The following JAKMIP3 variants were observed in gnomAD, a reference collection of about 807,000 sequenced individuals.
The protein encoded by JAKMIP3 is janus kinase and microtubule-interacting protein 3.
JAKMIP3 carries 58 observed loss-of-function variants against 118.5 expected under a neutral mutation model. That is an observed-to-expected ratio of 0.49 (90% CI 0.40 to 0.61). The LOEUF is 0.61. JAKMIP3 is among the 20% of genes least tolerant of loss of function. The pLI is 0.00. For synonymous variants in JAKMIP3, 486 were observed against 451.2 expected, an observed-to-expected ratio of 1.08 and a Z score of -0.98; for missense variants, 950 against 1,109.0, an observed-to-expected ratio of 0.86 and a Z score of 2.04.
rs144225422 is a variant in JAKMIP3 at position 132,134,276 on chromosome 10, C to A, written c.849+749C>A. Among the ~76,000 whole-genome samples the A allele has an allele frequency of 3.1e-3, 470 of 152,324 alleles. 6 individuals carry two copies. The highest frequency in any genetic ancestry group is 4.2e-3 in the Non-Finnish European group (289 of 68,028). The stretch of plus-strand genomic sequence containing the variant: ...GGGCCCAGGACCATCCTGGATGCTG[C>A]TTGTTCGCTTTGAGGATAAAACTGT... On this transcript the variant is annotated intron_variant, in intron 4 of 23. Coordinates refer to ENST00000684848, the MANE Select transcript of JAKMIP3 (RefSeq NM_001323087.2).
At chr10:132,102,377 C>T (rs58494553) in intron 1 of JAKMIP3, among the ~76,000 whole-genome samples, 2 of 151,994 alleles carry the variant, frequency 1.3e-5, no homozygotes, top group Non-Finnish European at 2.9e-5. Flanking sequence ...CCAGCCCCTC[C>T]GTCTGCAGTG....
At chr10:132,073,423 G>A (rs1037013857) in intron 1 of JAKMIP3, among the ~76,000 whole-genome samples, 1 of 151,602 alleles carries the variant, frequency 6.6e-6, no homozygotes, top group Non-Finnish European at 1.5e-5. Context: ...CTGACCTTGT[G>A]ATCCACCCAC....
In JAKMIP3 at chr10:132,139,292, CTGTGTA is replaced by C. The variant is rs200796172; in HGVS notation, c.1344+1120_1344+1125del. On this transcript the variant is annotated intron_variant, in intron 9 of 23. Coordinates refer to ENST00000684848, the MANE Select transcript of JAKMIP3 (RefSeq NM_001323087.2). Reference sequence around the variant, plus strand: ...TGTGTACATGTGAGTGTATATGCATCTGTGTATGTGTGTGAGTGTGTATGTGTATGT... The same window carrying C: ...TGTGTACATGTGAGTGTATATGCATCTGTGTGTGAGTGTGTATGTGTATGT... 1.2e-3 allele frequency among the ~76,000 whole-genome samples: 124 copies of C among 107,036 alleles called. 11 individuals are homozygous for C. Among genetic ancestry groups the C allele is most frequent in the African/African-American group, 5.0e-3 (118 of 23,606 alleles). 70.2% of individuals were successfully genotyped at this position (107,036 alleles called of 152,430 possible). A position where few individuals can be genotyped will look rare whatever the true frequency, so the allele number is the denominator to read the frequency against.
chr10:132,081,358 T>TG (rs1176499718), intron 1 of JAKMIP3, among the ~76,000 whole-genome samples: 1 of 152,214 alleles, frequency 6.6e-6, no homozygotes, highest in Non-Finnish European at 1.5e-5. Flanking sequence ...TGCAATCCAT[T>TG]GGAAAATGAT....
chr10:132,138,011 C>T, intron 8 of JAKMIP3, 108 bp from the exon 9 acceptor site: 1 of 1,055,102 alleles, frequency 9.5e-7, no homozygotes. Flanking sequence ...CCAGCCCAGA[C>T]ACCGTCTTCC....
At chr10:132,180,546 C>CGT (rs1272765694) in intron 23 of JAKMIP3, among the ~76,000 whole-genome samples, 2 of 15,966 alleles carry the variant, frequency 1.3e-4, no homozygotes, top group African/African-American at 3.8e-4. Flanking sequence ...TGTGTGTGTG[C>CGT]GTGCGTGCAT....
At chr10:132,132,466 C>T (rs1292079243) in intron 3 of JAKMIP3, among the ~76,000 whole-genome samples, 2 of 146,962 alleles carry the variant, frequency 1.4e-5, no homozygotes, top group African/African-American at 2.5e-5. Context: ...GGAAGCGGGG[C>T]GGGGTACTTG....
chr10:132,100,069 G>C (rs553235588), intron 1 of JAKMIP3, among the ~76,000 whole-genome samples: 1 of 152,268 alleles, frequency 6.6e-6, no homozygotes, highest in South Asian at 2.1e-4. Context: ...ACCCACCCTG[G>C]CTCCTGCCCC....
chr10:132,159,197 TCCC>T lies in JAKMIP3; in HGVS notation c.2221-4011_2221-4009del, dbSNP rs1241464202. Among the ~76,000 whole-genome samples, 107 of 13,792 alleles carry T rather than the reference TCCC, an allele frequency of 7.8e-3. 2 individuals are homozygous for T. Among genetic ancestry groups the T allele is most frequent in the Non-Finnish European group, 0.011 (86 of 8,174 alleles). The allele number at this position is 13,792 out of a possible 152,430, so 9.0% of individuals were successfully genotyped here. On this transcript the variant is annotated intron_variant, in intron 19 of 23. Transcript: ENST00000684848. The stretch of plus-strand genomic sequence containing the variant: ...CTGTGTGATGTTGTGGGGGCATCTC[TCCC>T]TGTGTGATGCTGTGGGGGCATCTCT...
Position 132,117,720 on chromosome 10 carries a change from C to A in JAKMIP3, c.633+146C>A. The stretch of plus-strand genomic sequence containing the variant: ...GCTTCACCCCCCATGACATTCTTAG[C>A]ACAGGCTCCTCATGCCACCCCTGTT... On this transcript the variant is annotated intron_variant, in intron 3 of 23. Coordinates refer to ENST00000684848, the MANE Select transcript of JAKMIP3 (RefSeq NM_001323087.2). This position sits in a 1 kb window ranked among gnomAD's most constrained non-coding sequence, Gnocchi z 8.6. 9.8e-7 allele frequency: 1 copy of A among 1,022,470 alleles called. No individual in the cohort carries two copies. The highest frequency in any genetic ancestry group is 1.3e-6 in the Non-Finnish European group (1 of 781,040). The allele number at this position is 1,022,470 out of a possible 1,614,324, so 63.3% of individuals were successfully genotyped here. A position where few individuals can be genotyped will look rare whatever the true frequency, so the allele number is the denominator to read the frequency against.
intron 20 of JAKMIP3, among the ~76,000 whole-genome samples, chr10:132,163,630 C>A (rs888981975): frequency 3.9e-5 from 6 of 152,100 alleles, no homozygotes; most frequent in African/African-American, 1.4e-4. Context: ...GATGGCCACA[C>A]CTTCTGATGA....
At chr10:132,172,116 CT>C (rs1004089249) in intron 23 of JAKMIP3, among the ~76,000 whole-genome samples, 8 of 152,166 alleles carry the variant, frequency 5.3e-5, no homozygotes, top group African/African-American at 1.9e-4. Flanking sequence ...ATCAGTGACA[CT>C]TTTTTAGTTC....
intron 1 of JAKMIP3, among the ~76,000 whole-genome samples, chr10:132,042,180 CTCGCTCCTTCCTTCCT>C (rs1251785785): frequency 5.1e-5 from 2 of 39,110 alleles, no homozygotes; most frequent in Non-Finnish European, 1.1e-4. Flanking sequence ...CACTTGCTCG[CTCGCTCCTTCCTTCCT>C]TCCTTCCTTC....
At position 132,117,987 on chromosome 10, in the gene JAKMIP3, T is replaced by C. The variant is rs1459188726; in HGVS notation, c.633+413T>C. Among the ~76,000 whole-genome samples, 2 of 152,118 alleles carry C rather than the reference T, an allele frequency of 1.3e-5. No individual in the cohort carries two copies. The highest frequency in any genetic ancestry group is 1.9e-4 in the East Asian group (1 of 5,176). On this transcript the variant is annotated intron_variant, in intron 3 of 23. Transcript: ENST00000684848. The surrounding 1 kb of genome is among the most constrained non-coding windows in gnomAD (Gnocchi z 8.6). The stretch of plus-strand genomic sequence containing the variant: ...CTGACACCAGGCAGGGCTCAGTGTT[T>C]CGCAGCAGGAGTCCCACACATCCTC...
In JAKMIP3 at chr10:132,081,237, C is replaced by T. The variant is rs115635819; in HGVS notation, c.-138+15176C>T. Among the ~76,000 whole-genome samples the T allele has an allele frequency of 2.2e-3, 332 of 152,240 alleles. 1 individual carries two copies. Among genetic ancestry groups the T allele is most frequent in the African/African-American group, 7.7e-3 (319 of 41,534 alleles). ...CCCATTGAGTAGTCTTACTTAGTAC[C>T]CTTGTCAAAGATCATTTTATATGTG... is the stretch of plus-strand genomic sequence containing the variant. On this transcript the variant is annotated intron_variant, in intron 1 of 23. Transcript: ENST00000684848.
intron 2 of JAKMIP3, among the ~76,000 whole-genome samples, chr10:132,106,342 G>T (rs1408138868): frequency 7.1e-6 from 1 of 140,198 alleles, no homozygotes; most frequent in East Asian, 2.0e-4. Context: ...TGTCTCTAAA[G>T]AAATAAAAAT....
intron 1 of JAKMIP3, among the ~76,000 whole-genome samples, chr10:132,096,494 G>A (rs2043877079): frequency 6.6e-6 from 1 of 152,182 alleles, no homozygotes; most frequent in African/African-American, 2.4e-5. Flanking sequence ...CTTGGTTAGT[G>A]TAATATCTGA....
At chr10:132,151,191 T>C (rs1335210171) in intron 16 of JAKMIP3, among the ~76,000 whole-genome samples, 1 of 152,012 alleles carries the variant, frequency 6.6e-6, no homozygotes, top group Admixed American at 6.5e-5. Flanking sequence ...CTCCATAATT[T>C]ATCTATGCAT....
At chr10:132,175,779 A>G (rs1190491821) in intron 23 of JAKMIP3, among the ~76,000 whole-genome samples, 1 of 152,220 alleles carries the variant, frequency 6.6e-6, no homozygotes, top group Non-Finnish European at 1.5e-5. Context: ...CCTGTTCAGG[A>G]TGTATCCACA....
Sources: allele counts gnomAD v4.1 joint callset (sites outside exome capture counted in the v4.1 genomes callset), GRCh38; gene constraint gnomAD v4.1.1; non-coding constraint Gnocchi (gnomAD v3.1); transcripts MANE v1.5; gene names NCBI Gene and HGNC (gene_info 2026-07-23, HGNC 2026-07-21).